Variants in RGS6 observed in about 807,000 individuals in gnomAD.
RGS6 encodes the protein regulator of G-protein signaling 6.
Under a neutral mutation model 78.5 loss-of-function variants are expected in RGS6, and 30 were observed. The observed-to-expected ratio is 0.38, with a 90% CI of 0.29 to 0.52. The LOEUF (loss-of-function observed/expected upper bound fraction) is 0.52. Ranked by LOEUF, RGS6 falls within the 20% of genes least tolerant of loss-of-function variation. RGS6 has a pLI of 0.85. For synonymous variants in RGS6, 206 were observed against 206.0 expected (o/e 1.00, Z 0.00); for missense variants, 495 against 609.7 (o/e 0.81, Z 1.98).
At chr14:72,422,305 A>G (rs1481490772) in intron 3 of RGS6, among the ~76,000 whole-genome samples, 1 of 152,238 alleles carries the variant, frequency 6.6e-6, no homozygotes, top group Non-Finnish European at 1.5e-5. Context: ...AAATTCTTAT[A>G]TACTTAGAAC....
chr14:72,264,579 TAAC>T (rs1373666735), intron 2 of RGS6, among the ~76,000 whole-genome samples: 4 of 152,266 alleles, frequency 2.6e-5, no homozygotes, highest in Non-Finnish European at 5.9e-5. Flanking sequence ...TCTCTATTTG[TAAC>T]AACCTTTGTG....
At chr14:72,291,906 A>T (rs2238205) in intron 2 of RGS6, among the ~76,000 whole-genome samples, 1 of 151,968 alleles carries the variant, frequency 6.6e-6, no homozygotes, top group Non-Finnish European at 1.5e-5. Context: ...TCCCTTTTCA[A>T]AATAAGGCCT....
chr14:72,438,911 C>T (rs2095063009), intron 3 of RGS6, among the ~76,000 whole-genome samples: 1 of 152,258 alleles, frequency 6.6e-6, no homozygotes, highest in Admixed American at 6.5e-5. Flanking sequence ...TGGCCAACCT[C>T]CAGGCGTACG....
chr14:72,526,027 CTTGG>C (rs1440924396), intron 15 of RGS6, among the ~76,000 whole-genome samples: 1 of 152,164 alleles, frequency 6.6e-6, no homozygotes, highest in Non-Finnish European at 1.5e-5. Flanking sequence ...TCCAAAATTT[CTTGG>C]TTGCTACATC....
chr14:72,260,557 A>G (rs2057972589), intron 2 of RGS6, among the ~76,000 whole-genome samples: 1 of 152,178 alleles, frequency 6.6e-6, no homozygotes, highest in South Asian at 2.1e-4. Context: ...CCTCATAAAG[A>G]GTATTGGGGA....
intron 3 of RGS6, among the ~76,000 whole-genome samples, chr14:72,397,753 A>G (rs571868317): frequency 6.6e-6 from 1 of 152,290 alleles, no homozygotes; most frequent in Admixed American, 6.5e-5. Flanking sequence ...AGAGTTTTTT[A>G]GCATGAAGCG....
chr14:72,404,326 A>G (rs1304999732), intron 3 of RGS6, among the ~76,000 whole-genome samples: 2 of 152,186 alleles, frequency 1.3e-5, no homozygotes, highest in East Asian at 3.9e-4. Flanking sequence ...GATGGATGGG[A>G]TAATATTTCC....
intron 2 of RGS6, among the ~76,000 whole-genome samples, chr14:72,071,142 A>C (rs368327035): frequency 6.6e-6 from 1 of 152,100 alleles, no homozygotes; most frequent in Non-Finnish European, 1.5e-5. Flanking sequence ...CCTTATTTTT[A>C]AACATTATGT....
At chr14:71,960,540 G>A (rs1471393168) in intron 1 of RGS6, among the ~76,000 whole-genome samples, 1 of 152,178 alleles carries the variant, frequency 6.6e-6, no homozygotes. Context: ...TCTGCTCTAG[G>A]TGCCAGGGAG....
At chr14:72,607,202 T>C in the RGS6 span, among the ~76,000 whole-genome samples, 2 of 152,198 alleles carry the variant, frequency 1.3e-5, no homozygotes, top group Admixed American at 1.3e-4. Context: ...ATTGATGGGA[T>C]AAAATGTCTT....
chr14:72,208,508 C>T lies in RGS6; in HGVS notation c.85-143587C>T, dbSNP rs924684875. The stretch of plus-strand genomic sequence containing the variant: ...TATACCATGTCTTACCAACATCATA[C>T]CTTAGTATAATGGTCTTTCTATTGA... On this transcript the variant is annotated intron_variant, in intron 2 of 17. Coordinates refer to ENST00000553525, the MANE Select transcript of RGS6 (RefSeq NM_001204424.2). Among the ~76,000 whole-genome samples, 3 of 152,192 alleles carry T rather than the reference C, an allele frequency of 2.0e-5. No individual in the cohort carries two copies. The East Asian group carries it at 5.8e-4, about 29-fold the overall frequency.
chr14:72,239,987 A>G (rs1371845398), intron 2 of RGS6, among the ~76,000 whole-genome samples: 1 of 152,140 alleles, frequency 6.6e-6, no homozygotes, highest in Non-Finnish European at 1.5e-5. Flanking sequence ...GGTGCTTCAT[A>G]TATTAACTAG....
chr14:72,416,905 C>G (rs1172361510), intron 3 of RGS6, among the ~76,000 whole-genome samples: 6 of 152,200 alleles, frequency 3.9e-5, no homozygotes. Flanking sequence ...CCCCTATAAC[C>G]ATGGCATGAG....
At chr14:72,252,934 C>G (rs1477509838) in intron 2 of RGS6, among the ~76,000 whole-genome samples, 2 of 152,162 alleles carry the variant, frequency 1.3e-5, no homozygotes, top group African/African-American at 4.8e-5. Flanking sequence ...CTCCTCACAC[C>G]TGCCCAGGAG....
At chr14:71,986,636 G>A (rs2094722876) in intron 2 of RGS6, among the ~76,000 whole-genome samples, 1 of 152,082 alleles carries the variant, frequency 6.6e-6, no homozygotes, top group Non-Finnish European at 1.5e-5. Flanking sequence ...CCTGAGCCTG[G>A]GGAGCTCAAG....
intron 3 of RGS6, among the ~76,000 whole-genome samples, chr14:72,383,216 A>ACT (rs2086792370): frequency 1.4e-5 from 2 of 144,886 alleles, no homozygotes; most frequent in African/African-American, 5.1e-5. Flanking sequence ...ATATATATAC[A>ACT]CACAAACACA....
intron 2 of RGS6, among the ~76,000 whole-genome samples, chr14:72,211,600 A>G (rs1402884384): frequency 1.3e-5 from 2 of 152,366 alleles, no homozygotes; most frequent in African/African-American, 2.4e-5. Context: ...AGCTGAAGAC[A>G]GAAGTCCGGT....
At chr14:72,422,636 T>C (rs962778263) in intron 3 of RGS6, among the ~76,000 whole-genome samples, 5 of 152,072 alleles carry the variant, frequency 3.3e-5, no homozygotes, top group Admixed American at 1.3e-4. Flanking sequence ...TTGTCCAAGA[T>C]TGGGGAGTGG....
At chr14:72,385,993 G>A (rs2087847772) in intron 3 of RGS6, among the ~76,000 whole-genome samples, 1 of 152,046 alleles carries the variant, frequency 6.6e-6, no homozygotes, top group Admixed American at 6.5e-5. Context: ...CTTGCTGGGG[G>A]CTGGATAAAC....
Sources: gnomAD v4.1 joint callset for allele counts (sites outside exome capture counted in the v4.1 genomes callset) on GRCh38, gnomAD v4.1.1 for gene constraint, MANE v1.5 for transcripts, NCBI Gene and HGNC (gene_info 2026-07-23, HGNC 2026-07-21) for gene names.